The following SAMD4A variants were observed in gnomAD, a reference collection of about 807,000 sequenced individuals.
SAMD4A encodes protein Smaug homolog 1.
A neutral mutation model predicts 81.3 loss-of-function variants in SAMD4A; 33 were observed. That is an observed-to-expected ratio of 0.41 (90% CI 0.31 to 0.54). The LOEUF is 0.54. SAMD4A is among the 20% of genes least tolerant of loss of function. The pLI is 0.37. For missense variants in SAMD4A, 854 were observed against 951.1 expected, an observed-to-expected ratio of 0.90 and a Z score of 1.34; for synonymous variants, 389 against 382.1, an observed-to-expected ratio of 1.02 and a Z score of -0.21.
At chr14:54,575,064 C>T (rs958623378) in intron 2 of SAMD4A, among the ~76,000 whole-genome samples, 1 of 152,122 alleles carries the variant, frequency 6.6e-6, no homozygotes, top group African/African-American at 2.4e-5. Context: ...GGCTATGTGT[C>T]AGAAGATTTT....
At chr14:54,747,349 C>A (rs1262862319) in intron 4 of SAMD4A, among the ~76,000 whole-genome samples, 1 of 152,240 alleles carries the variant, frequency 6.6e-6, no homozygotes, top group Non-Finnish European at 1.5e-5. Context: ...ATCATCCCCA[C>A]CTAAGTCTTT....
chr14:54,758,645 C>T (rs1405080442), intron 6 of SAMD4A, among the ~76,000 whole-genome samples: 1 of 152,178 alleles, frequency 6.6e-6, no homozygotes, highest in African/African-American at 2.4e-5. Flanking sequence ...GCCTGGCCAA[C>T]ATGGTGAAAC....
Position 54,567,833 on chromosome 14 carries a change from G to T in SAMD4A, c.-84G>T, listed in dbSNP as rs2032984230. ...ACAGGAACGCGTCTCCGGCCGCGGG[G>T]CTGCGGCTCCGCCAAACTTTGGGGC... On this transcript the variant is annotated 5_prime_UTR_variant, in exon 2 of 13. Coordinates refer to ENST00000554335, the MANE Select transcript of SAMD4A (RefSeq NM_015589.6). 6.8e-7 allele frequency: 1 copy of T among 1,478,376 alleles called. No homozygotes were observed. The allele number at this position is 1,478,376 out of a possible 1,614,324, so 91.6% of individuals were successfully genotyped here.
At chr14:54,676,066 A>G (rs1039136381) in intron 2 of SAMD4A, among the ~76,000 whole-genome samples, 1 of 152,218 alleles carries the variant, frequency 6.6e-6, no homozygotes, top group African/African-American at 2.4e-5. Flanking sequence ...CAAAAAAAGA[A>G]AAAGCAAGGC....
At chr14:54,710,906 T>C (rs2036973442) in intron 3 of SAMD4A, among the ~76,000 whole-genome samples, 2 of 152,222 alleles carry the variant, frequency 1.3e-5, no homozygotes, top group African/African-American at 4.8e-5. Flanking sequence ...ATTTTGGAAA[T>C]GTCAAATTCC....
At chr14:54,700,091 T>C (rs374867741) in intron 2 of SAMD4A, among the ~76,000 whole-genome samples, 2 of 152,346 alleles carry the variant, frequency 1.3e-5, no homozygotes, top group South Asian at 4.1e-4. Flanking sequence ...TTTCTCTATA[T>C]TTTGTTTTTT....
intron 2 of SAMD4A, among the ~76,000 whole-genome samples, chr14:54,637,234 G>A (rs1004448739): frequency 2.6e-5 from 4 of 151,756 alleles, no homozygotes; most frequent in Non-Finnish European, 4.4e-5. Context: ...GCATGGTGGC[G>A]GACACCTGTA....
intron 2 of SAMD4A, among the ~76,000 whole-genome samples, chr14:54,660,841 C>T (rs1174662663): frequency 2.6e-5 from 4 of 152,220 alleles, no homozygotes; most frequent in African/African-American, 9.7e-5. Context: ...CCAAGCATAT[C>T]CCTCCAGTCC....
At chr14:54,741,789 G>A (rs1373359726) in intron 4 of SAMD4A, among the ~76,000 whole-genome samples, 2 of 152,182 alleles carry the variant, frequency 1.3e-5, no homozygotes, top group Admixed American at 6.5e-5. Flanking sequence ...CAAATAGTAA[G>A]TGAAGGAAGG....
intron 3 of SAMD4A, among the ~76,000 whole-genome samples, chr14:54,732,915 TAAATA>T (rs2037594266): frequency 6.6e-6 from 1 of 152,140 alleles, no homozygotes; most frequent in Admixed American, 6.5e-5. Flanking sequence ...CTTATTTCAA[TAAATA>T]AAATCGAGAT....
At chr14:54,720,828 C>T (rs541898223) in intron 3 of SAMD4A, among the ~76,000 whole-genome samples, 1 of 152,248 alleles carries the variant, frequency 6.6e-6, no homozygotes, top group Non-Finnish European at 1.5e-5. Flanking sequence ...TTCAGAGGTA[C>T]CTGCTCTCCA....
rs527373398 is a variant in SAMD4A at position 54,744,344 on chromosome 14, A to G, written c.980-4471A>G. On this transcript the variant is annotated intron_variant, in intron 4 of 12. Transcript: ENST00000554335. The stretch of plus-strand genomic sequence containing the variant: ...ATTTCTGCAGCATGCATTAGAGACA[A>G]GCACTCCCAGTTCTAACTGGAGCCC... 7.9e-5 allele frequency among the ~76,000 whole-genome samples: 12 copies of G among 152,300 alleles called. No individual in the cohort carries two copies. In the South Asian group the frequency reaches 2.5e-3, roughly 32 times the overall value.
intron 4 of SAMD4A, among the ~76,000 whole-genome samples, chr14:54,739,055 CT>C (rs3051648): frequency 1.0e-3 from 102 of 97,350 alleles, no homozygotes; most frequent in East Asian, 3.3e-3. Flanking sequence ...CTTTCCTTTT[CT>C]TTTTTTTTTT....
chr14:54,770,112 A>G lies in SAMD4A; in HGVS notation c.1605A>G (p.Thr535=), dbSNP rs747010904. The change falls in exon 9 of 13, where the codon ACA becomes ACG. Residue 535 remains threonine, a synonymous_variant. Coordinates refer to ENST00000554335, the MANE Select transcript of SAMD4A (RefSeq NM_015589.6). ...IDKCLIHEAF[T]ETQKKRLLSW... ...CCTGTTTGTTTTTGCAGGCATTTAC[A>G]GAGACACAGAAAAAAAGATTGTTGT... 6.2e-7 allele frequency: 1 copy of G among 1,612,834 alleles called. No homozygotes were observed. The highest frequency in any genetic ancestry group is 8.5e-7 in the Non-Finnish European group (1 of 1,178,826).
chr14:54,668,557 C>T (rs1225311384), intron 2 of SAMD4A, among the ~76,000 whole-genome samples: 3 of 152,186 alleles, frequency 2.0e-5, no homozygotes, highest in Admixed American at 6.5e-5. Context: ...CTGTAGCTTT[C>T]TATCTCTGTC....
intron 2 of SAMD4A, among the ~76,000 whole-genome samples, chr14:54,653,311 T>C (rs2035447658): frequency 1.2e-5 from 1 of 84,508 alleles, no homozygotes; most frequent in Admixed American, 1.2e-4. Context: ...ATATTATTAT[T>C]ATTATTATTA....
intron 2 of SAMD4A, among the ~76,000 whole-genome samples, chr14:54,595,795 CT>C (rs1170751575): frequency 6.6e-6 from 1 of 152,094 alleles, no homozygotes; most frequent in Non-Finnish European, 1.5e-5. Context: ...AGAAAAAGAT[CT>C]TTGTCCCATG....
At chr14:54,685,550 C>T (rs2036244497) in intron 2 of SAMD4A, 1 of 383,312 alleles carries the variant, frequency 2.6e-6, no homozygotes, top group Non-Finnish European at 5.2e-6. Context: ...GTGAATAATG[C>T]TACTGTGAAC....
At chr14:54,578,160 C>T (rs1358330008) in intron 2 of SAMD4A, among the ~76,000 whole-genome samples, 1 of 152,162 alleles carries the variant, frequency 6.6e-6, no homozygotes, top group Non-Finnish European at 1.5e-5. Context: ...TTCCATTTGT[C>T]AGGGAGGAAA....
Sources: allele counts gnomAD v4.1 joint callset (sites outside exome capture counted in the v4.1 genomes callset), GRCh38; gene constraint gnomAD v4.1.1; transcripts MANE v1.5; gene names NCBI Gene and HGNC (gene_info 2026-07-23, HGNC 2026-07-21).